The following KCNMA1 variants were observed in gnomAD, a reference collection of about 807,000 sequenced individuals.
KCNMA1 encodes potassium calcium-activated channel subfamily M alpha 1.
A neutral mutation model predicts 140.0 loss-of-function variants in KCNMA1; 29 were observed. The observed-to-expected ratio is 0.21, with a 90% CI of 0.15 to 0.28. The LOEUF (loss-of-function observed/expected upper bound fraction) is 0.28, where lower values mean the gene tolerates loss of function less well. Among genes scored for constraint, KCNMA1 ranks in the 10% least tolerant of loss-of-function variants. The pLI is 1.00. For missense variants in KCNMA1, 880 were observed against 1,602.2 expected (o/e 0.55, Z 7.70); for synonymous variants, 612 against 611.9 (o/e 1.00, Z 0.00).
chr10:77,591,373 T>C (rs2079100514), intron 1 of KCNMA1, among the ~76,000 whole-genome samples: 1 of 152,112 alleles, frequency 6.6e-6, no homozygotes, highest in Non-Finnish European at 1.5e-5. Flanking sequence ...CCTGACCACC[T>C]CCTCCAGGAA....
intron 2 of KCNMA1, among the ~76,000 whole-genome samples, chr10:77,276,944 A>G (rs985429515): frequency 2.6e-5 from 4 of 152,186 alleles, no homozygotes; most frequent in Non-Finnish European, 5.9e-5. Context: ...ATAGCTGAGG[A>G]AACTGAGGCC....
At chr10:77,199,359 A>G (rs1016365081) in intron 3 of KCNMA1, among the ~76,000 whole-genome samples, 2 of 152,196 alleles carry the variant, frequency 1.3e-5, no homozygotes, top group African/African-American at 4.8e-5. Flanking sequence ...AGAGAAGTCT[A>G]CCCAGATTTT....
chr10:77,600,817 C>G (rs951387737), intron 1 of KCNMA1, among the ~76,000 whole-genome samples: 1 of 152,018 alleles, frequency 6.6e-6, no homozygotes, highest in Non-Finnish European at 1.5e-5. Context: ...ACAGACACAC[C>G]TTGTTCAAGG....
chr10:76,876,049 A>G (rs886189419), downstream of KCNMA1: 2 of 152,564 alleles, frequency 1.3e-5, no homozygotes, highest in African/African-American at 4.8e-5. Flanking sequence ...AAGCACGACT[A>G]TATTGGCTCT....
At chr10:77,481,774 CAAAAA>C (rs61269933) in intron 1 of KCNMA1, among the ~76,000 whole-genome samples, 15 of 132,792 alleles carry the variant, frequency 1.1e-4, no homozygotes, top group East Asian at 2.1e-4. Flanking sequence ...GACTCTGTCT[CAAAAA>C]AAAAAAAAAA....
chr10:77,097,048 C>A (rs556523908), intron 9 of KCNMA1, among the ~76,000 whole-genome samples: 1 of 152,148 alleles, frequency 6.6e-6, no homozygotes, highest in South Asian at 2.1e-4. Context: ...TTCACGTTTG[C>A]CCCCCTAGGT....
intron 1 of KCNMA1, among the ~76,000 whole-genome samples, chr10:77,438,615 A>G (rs1603619576): frequency 6.6e-6 from 1 of 151,958 alleles, no homozygotes; most frequent in Admixed American, 6.6e-5. Flanking sequence ...TCACTACTCT[A>G]TGATATGTTG....
chr10:77,524,218 C>G (rs1313246616), intron 1 of KCNMA1, among the ~76,000 whole-genome samples: 1 of 152,234 alleles, frequency 6.6e-6, no homozygotes, highest in African/African-American at 2.4e-5. Context: ...AAAATTCACT[C>G]TCTAGAGAAC....
At chr10:77,204,445 C>T (rs1321671255) in intron 3 of KCNMA1, among the ~76,000 whole-genome samples, 1 of 152,036 alleles carries the variant, frequency 6.6e-6, no homozygotes, top group Non-Finnish European at 1.5e-5. Flanking sequence ...AATCTAAATG[C>T]CTAAAACTAA....
At chr10:77,539,310 C>T (rs1228967840) in intron 1 of KCNMA1, among the ~76,000 whole-genome samples, 2 of 152,154 alleles carry the variant, frequency 1.3e-5, no homozygotes, top group African/African-American at 4.8e-5. Context: ...CAAGATAATG[C>T]AGAGATGGAG....
intron 3 of KCNMA1, among the ~76,000 whole-genome samples, chr10:77,245,092 G>A (rs2058256606): frequency 6.6e-6 from 1 of 152,050 alleles, no homozygotes; most frequent in Admixed American, 6.6e-5. Context: ...AAAAAAAACA[G>A]GGAGGTGCTT....
chr10:76,907,579 C>A (rs1311507157), intron 25 of KCNMA1, among the ~76,000 whole-genome samples: 1 of 152,124 alleles, frequency 6.6e-6, no homozygotes, highest in Non-Finnish European at 1.5e-5. Flanking sequence ...CATTCTGTCA[C>A]CCAGGCTGGA....
intron 1 of KCNMA1, among the ~76,000 whole-genome samples, chr10:77,609,600 AC>A (rs1206925345): frequency 6.6e-6 from 1 of 152,238 alleles, no homozygotes; most frequent in Non-Finnish European, 1.5e-5. Context: ...TGTTCTCACC[AC>A]AAAAAATAGG....
chr10:77,504,809 G>A (rs2045235489), intron 1 of KCNMA1, among the ~76,000 whole-genome samples: 1 of 152,120 alleles, frequency 6.6e-6, no homozygotes, highest in Admixed American at 6.6e-5. Flanking sequence ...AAATATGTAT[G>A]CATATTTTAT....
intron 19 of KCNMA1, chr10:76,978,343 A>G (rs974135721): frequency 1.3e-5 from 2 of 152,250 alleles, no homozygotes; most frequent in Admixed American, 1.3e-4. Context: ...TCTTGAGGAA[A>G]TAGATAATTC....
intron 23 of KCNMA1, among the ~76,000 whole-genome samples, chr10:76,936,080 G>A (rs1051052307): frequency 1.3e-5 from 2 of 152,182 alleles, no homozygotes; most frequent in Non-Finnish European, 2.9e-5. Flanking sequence ...ATGCTATATA[G>A]GAAAAATTCT....
At chr10:77,521,615 C>T (rs1011483876) in intron 1 of KCNMA1, among the ~76,000 whole-genome samples, 2 of 152,198 alleles carry the variant, frequency 1.3e-5, no homozygotes, top group African/African-American at 2.4e-5. Context: ...AAGTGAGGCT[C>T]TTGGATAAAT....
chr10:77,198,922 C>G (rs903337211), intron 3 of KCNMA1, among the ~76,000 whole-genome samples: 1 of 152,086 alleles, frequency 6.6e-6, no homozygotes, highest in African/African-American at 2.4e-5. Flanking sequence ...TGATTCCCTG[C>G]GTGTATGATG....
chr10:77,530,052 C>T (rs1325974011), intron 1 of KCNMA1, among the ~76,000 whole-genome samples: 1 of 152,236 alleles, frequency 6.6e-6, no homozygotes, highest in African/African-American at 2.4e-5. Context: ...GAGGCCAAAA[C>T]TTGTGACTTT....
Sources: gnomAD v4.1 joint callset for allele counts (sites outside exome capture counted in the v4.1 genomes callset) on GRCh38, gnomAD v4.1.1 for gene constraint, MANE v1.5 for transcripts, NCBI Gene and HGNC (gene_info 2026-07-23, HGNC 2026-07-21) for gene names.